CELF4: variants seen among roughly 807,000 people sequenced by gnomAD.
CELF4 encodes CUG-BP- and ETR-3-like factor 4.
Under a neutral mutation model 59.9 loss-of-function variants are expected in CELF4, and 18 were observed. The ratio of observed to expected loss-of-function variants is 0.30; its 90% CI spans 0.21 to 0.45. The LOEUF (loss-of-function observed/expected upper bound fraction) is 0.45, where lower values mean the gene tolerates loss of function less well. Among genes scored for constraint, CELF4 ranks in the 20% least tolerant of loss-of-function variants. The pLI is 1.00. For synonymous variants in CELF4, 261 were observed against 267.1 expected (o/e 0.98, Z 0.22); for missense variants, 456 against 689.0 (o/e 0.66, Z 3.79).
chr18:37,441,850 AC>A (rs2099725318), intron 2 of CELF4, among the ~76,000 whole-genome samples: 1 of 151,726 alleles, frequency 6.6e-6, no homozygotes, highest in South Asian at 2.1e-4. Flanking sequence ...TGCAACTCAC[AC>A]CCATTCCCCC....
At chr18:37,425,701 T>C (rs1462992896) in intron 2 of CELF4, among the ~76,000 whole-genome samples, 1 of 152,242 alleles carries the variant, frequency 6.6e-6, no homozygotes, top group East Asian at 1.9e-4. Flanking sequence ...TGGAGACTTC[T>C]AGGGCCAGGA....
chr18:37,501,860 C>T (rs954203765), intron 1 of CELF4, among the ~76,000 whole-genome samples: 8 of 152,208 alleles, frequency 5.3e-5, no homozygotes, highest in Non-Finnish European at 8.8e-5. Context: ...CGGGCTGCCT[C>T]CCGCTTTCCT....
intron 1 of CELF4, among the ~76,000 whole-genome samples, chr18:37,518,375 A>G (rs918793732): frequency 6.6e-6 from 1 of 152,232 alleles, no homozygotes; most frequent in African/African-American, 2.4e-5. Flanking sequence ...TAGCGTGATT[A>G]TGACCCTGTT....
At chr18:37,358,210 G>A (rs142479328) in intron 2 of CELF4, among the ~76,000 whole-genome samples, 3,187 of 152,274 alleles carry the variant, frequency 0.021, 59 homozygotes, top group Middle Eastern at 0.051. Flanking sequence ...GGACCCGGTG[G>A]GAGGTAATTG....
chr18:37,381,324 T>C (rs2099038422), intron 2 of CELF4, among the ~76,000 whole-genome samples: 1 of 152,166 alleles, frequency 6.6e-6, no homozygotes, highest in Non-Finnish European at 1.5e-5. Context: ...AGGCTTCCTG[T>C]AGGAGGTACT....
intron 2 of CELF4, among the ~76,000 whole-genome samples, chr18:37,368,625 A>G (rs897624371): frequency 6.6e-6 from 1 of 152,174 alleles, no homozygotes; most frequent in Non-Finnish European, 1.5e-5. Flanking sequence ...GTTGGCAGTG[A>G]GCCTCTGTCA....
chr18:37,278,727 C>T (rs1482213310), intron 3 of CELF4, among the ~76,000 whole-genome samples: 1 of 152,186 alleles, frequency 6.6e-6, no homozygotes, highest in African/African-American at 2.4e-5. Flanking sequence ...AAGGTCACCC[C>T]TGCTGTGAGA....
chr18:37,457,949 G>A (rs2154601999), intron 2 of CELF4, among the ~76,000 whole-genome samples: 1 of 152,338 alleles, frequency 6.6e-6, no homozygotes, highest in East Asian at 1.9e-4. Context: ...TCACCAGGGA[G>A]AGGATGTGAC....
At position 37,341,541 on chromosome 18, in the gene CELF4, T is replaced by C. The variant is rs1411499208; in HGVS notation, c.370-19660A>G. Among the ~76,000 whole-genome samples the C allele has an allele frequency of 2.0e-5, 3 of 152,222 alleles. No individual in the cohort carries two copies. In the East Asian group the frequency reaches 5.8e-4, roughly 29 times the overall value. On this transcript the variant is annotated intron_variant, in intron 2 of 12. Coordinates refer to ENST00000420428, the MANE Select transcript of CELF4 (RefSeq NM_020180.4). ...GTGGAGGGCATAAGGGCTTTCCACC[T>C]GGCTCTGGGGTCAGGACGTTGCAGA...
intron 3 of CELF4, among the ~76,000 whole-genome samples, chr18:37,286,023 G>A (rs373990366): frequency 1.2e-4 from 18 of 152,100 alleles, no homozygotes; most frequent in African/African-American, 3.1e-4. Flanking sequence ...TACATCATGC[G>A]GGAGCATAAA....
intron 2 of CELF4, among the ~76,000 whole-genome samples, chr18:37,417,549 G>C (rs1021708293): frequency 2.6e-5 from 4 of 152,186 alleles, no homozygotes; most frequent in Admixed American, 2.0e-4. Flanking sequence ...ATCTCCCTTT[G>C]GAAGCCCGTA....
Position 37,274,676 on chromosome 18 carries a change from T to C in CELF4, c.657+129A>G, listed in dbSNP as rs969991151. ...ACATCCCTGGGCTTCCGCGTCCTTGTCTGAGGCCCGGAATAAGGGTCATGC... is the reference window on the plus strand; with the variant it reads ...ACATCCCTGGGCTTCCGCGTCCTTGCCTGAGGCCCGGAATAAGGGTCATGC... On this transcript the variant is annotated intron_variant, in intron 5 of 12. Coordinates refer to ENST00000420428, the MANE Select transcript of CELF4 (RefSeq NM_020180.4). 1.4e-5 allele frequency: 20 copies of C among 1,480,774 alleles called. No homozygotes were observed. The Middle Eastern group carries it at 5.5e-4, about 41-fold the overall frequency. 91.7% of individuals were successfully genotyped at this position (1,480,774 alleles called of 1,614,324 possible). A position where few individuals can be genotyped will look rare whatever the true frequency, so the allele number is the denominator to read the frequency against.
At chr18:37,538,081 C>T (rs974340882) in intron 1 of CELF4, among the ~76,000 whole-genome samples, 10 of 152,248 alleles carry the variant, frequency 6.6e-5, no homozygotes, top group African/African-American at 2.4e-4. Context: ...TCTGAAAACA[C>T]AGGCGGCCTC....
At chr18:37,420,528 C>T (rs1003676775) in intron 2 of CELF4, among the ~76,000 whole-genome samples, 3 of 152,164 alleles carry the variant, frequency 2.0e-5, no homozygotes, top group Admixed American at 1.3e-4. Context: ...GGGTGGGACC[C>T]GTGCTGGGAG....
intron 1 of CELF4, among the ~76,000 whole-genome samples, chr18:37,547,294 G>C (rs1265251560): frequency 6.6e-6 from 1 of 152,090 alleles, no homozygotes; most frequent in Non-Finnish European, 1.5e-5. Context: ...GGACGGCTGA[G>C]GGCTGGGTGT....
chr18:37,441,273 CTGTGTGTGTGTG>C (rs36008798), intron 2 of CELF4, among the ~76,000 whole-genome samples: 31 of 143,424 alleles, frequency 2.2e-4, no homozygotes, highest in African/African-American at 7.3e-4. Context: ...CTCAACAATG[CTGTGTGTGTGTG>C]TGTGTGTGTG....
At chr18:37,280,195 T>C (rs999291152) in intron 3 of CELF4, among the ~76,000 whole-genome samples, 1 of 152,180 alleles carries the variant, frequency 6.6e-6, no homozygotes, top group Non-Finnish European at 1.5e-5. Flanking sequence ...ATGATAAAAC[T>C]GTGGACAGGA....
intron 1 of CELF4, among the ~76,000 whole-genome samples, chr18:37,518,960 G>A (rs1432899550): frequency 6.6e-6 from 1 of 152,212 alleles, no homozygotes; most frequent in Non-Finnish European, 1.5e-5. Flanking sequence ...GGTTGTCCAA[G>A]CTCTGAAAAC....
At position 37,379,112 on chromosome 18, in the gene CELF4, C is replaced by G. The variant is rs529358363; in HGVS notation, c.370-57231G>C. On this transcript the variant is annotated intron_variant, in intron 2 of 12. Transcript: ENST00000420428. ...CTCCCTGCAGACCTTAGCAAGGTGT[C>G]TGGGGCCTCATCCAGTTGTTCACCT... 3.5e-4 allele frequency among the ~76,000 whole-genome samples: 54 copies of G among 152,290 alleles called. No individual in the cohort carries two copies. The South Asian group carries it at 0.011, about 30-fold the overall frequency.
Sources: allele counts gnomAD v4.1 joint callset (sites outside exome capture counted in the v4.1 genomes callset), GRCh38; gene constraint gnomAD v4.1.1; transcripts MANE v1.5; gene names NCBI Gene and HGNC (gene_info 2026-07-23, HGNC 2026-07-21).